Variants in SUCLG2 observed in about 807,000 individuals in gnomAD.
The protein encoded by SUCLG2 is succinate--CoA ligase [GDP-forming] subunit beta, mitochondrial.
Under a neutral mutation model 47.9 loss-of-function variants are expected in SUCLG2, and 42 were observed. That is an observed-to-expected ratio of 0.88 (90% CI 0.69 to 1.14). SUCLG2 has a LOEUF of 1.14. Among genes scored for constraint, SUCLG2 ranks in the 50% most tolerant of loss-of-function variants. The pLI is 0.00. For missense variants in SUCLG2, 571 were observed against 525.9 expected (o/e 1.09, Z -0.84); for synonymous variants, 195 against 197.3 (o/e 0.99, Z 0.10).
chr3:67,389,143 A>G (rs1702322582), intron 10 of SUCLG2, among the ~76,000 whole-genome samples: 1 of 152,134 alleles, frequency 6.6e-6, no homozygotes, highest in South Asian at 2.1e-4. Context: ...CAGAATTGCC[A>G]CAGATATAAA....
chr3:67,518,480 A>G (rs922047951), intron 5 of SUCLG2, 144 bp from the exon 6 acceptor site: 3 of 666,598 alleles, frequency 4.5e-6, no homozygotes, highest in Non-Finnish European at 7.2e-6. Context: ...GGGCTACCGC[A>G]GATGCCTGTA....
At chr3:67,367,755 GC>G (rs1701895209) in intron 10 of SUCLG2, among the ~76,000 whole-genome samples, 1 of 152,090 alleles carries the variant, frequency 6.6e-6, no homozygotes, top group South Asian at 2.1e-4. Flanking sequence ...TTAGTTGAGA[GC>G]CACTAATTTA....
intron 9 of SUCLG2, among the ~76,000 whole-genome samples, chr3:67,478,875 T>G (rs1229813187): frequency 6.6e-6 from 1 of 152,220 alleles, no homozygotes; most frequent in Non-Finnish European, 1.5e-5. Context: ...TATGGGTCAC[T>G]TAAAGAATTT....
chr3:67,468,408 C>T (rs1704526378), intron 9 of SUCLG2, among the ~76,000 whole-genome samples: 1 of 152,154 alleles, frequency 6.6e-6, no homozygotes, highest in African/African-American at 2.4e-5. Context: ...CCATCCAGCT[C>T]CTTGAACCTG....
chr3:67,564,564 T>G (rs544925431), intron 2 of SUCLG2, among the ~76,000 whole-genome samples: 1 of 152,388 alleles, frequency 6.6e-6, no homozygotes, highest in Non-Finnish European at 1.5e-5. Context: ...CTTAATCATC[T>G]GTGTTTCAGA....
At chr3:67,460,754 A>C (rs1704310987) in intron 9 of SUCLG2, among the ~76,000 whole-genome samples, 2 of 152,198 alleles carry the variant, frequency 1.3e-5, no homozygotes, top group Non-Finnish European at 1.5e-5. Context: ...TCTATACTTT[A>C]ATACTGATTT....
intron 2 of SUCLG2, among the ~76,000 whole-genome samples, chr3:67,554,307 T>C (rs761370357): frequency 6.6e-6 from 1 of 152,242 alleles, no homozygotes; most frequent in African/African-American, 2.4e-5. Flanking sequence ...TACTTAACCA[T>C]GTGAATGTTG....
intron 9 of SUCLG2, among the ~76,000 whole-genome samples, chr3:67,450,576 T>C (rs1339482796): frequency 6.6e-6 from 1 of 152,234 alleles, no homozygotes; most frequent in Non-Finnish European, 1.5e-5. Flanking sequence ...TATATGCCCA[T>C]CATCTAGATA....
chr3:67,630,001 T>C (rs1396306663), intron 1 of SUCLG2, among the ~76,000 whole-genome samples: 1 of 152,002 alleles, frequency 6.6e-6, no homozygotes, highest in Non-Finnish European at 1.5e-5. Context: ...ACACAAAAGA[T>C]AAATTATGTG....
In SUCLG2 at chr3:67,438,456, G is replaced by GTT. The variant is rs901690849; in HGVS notation, c.1063-37607_1063-37606dup. On this transcript the variant is annotated intron_variant, in intron 9 of 10. Transcript: ENST00000307227. Reference sequence around the variant, plus strand: ...AAAAAAATCAATGAATCCAAGAGCTGTTTTTTTTTAAAGATTAACAAAATA... The same window carrying GTT: ...AAAAAAATCAATGAATCCAAGAGCTGTTTTTTTTTTTAAAGATTAACAAAATA... Among the ~76,000 whole-genome samples the GTT allele has an allele frequency of 3.6e-4, 55 of 151,032 alleles. 1 individual carries two copies. Among genetic ancestry groups the GTT allele is most frequent in the African/African-American group, 1.3e-3 (54 of 41,184 alleles).
chr3:67,385,601 C>T (rs1384912297), intron 10 of SUCLG2, among the ~76,000 whole-genome samples: 1 of 152,186 alleles, frequency 6.6e-6, no homozygotes, highest in Non-Finnish European at 1.5e-5. Flanking sequence ...ATCCTCTGCT[C>T]CTTGGGTTCC....
intron 9 of SUCLG2, among the ~76,000 whole-genome samples, chr3:67,438,983 C>T (rs1273261677): frequency 6.6e-6 from 1 of 152,120 alleles, no homozygotes; most frequent in Admixed American, 6.5e-5. Flanking sequence ...ATCCAAATAT[C>T]CTCAATAAAA....
chr3:67,476,059 CAATTT>C (rs1342369932), intron 9 of SUCLG2, among the ~76,000 whole-genome samples: 1 of 151,588 alleles, frequency 6.6e-6, no homozygotes, highest in African/African-American at 2.4e-5. Flanking sequence ...CAATGGGATT[CAATTT>C]ATGTGTAACT....
chr3:67,419,491 T>C (rs1427574330), intron 9 of SUCLG2, among the ~76,000 whole-genome samples: 1 of 152,192 alleles, frequency 6.6e-6, no homozygotes, highest in Non-Finnish European at 1.5e-5. Flanking sequence ...TATGGTCCTT[T>C]ATCTGGGAAG....
At chr3:67,460,145 C>T (rs557348235) in intron 9 of SUCLG2, among the ~76,000 whole-genome samples, 3 of 152,214 alleles carry the variant, frequency 2.0e-5, no homozygotes, top group East Asian at 1.9e-4. Flanking sequence ...CTCAGTAGGC[C>T]CTGCCTTATA....
rs147140771 is a variant in SUCLG2, at chr3:67,390,559, G to A, written c.1183+10172C>T. Among the ~76,000 whole-genome samples the A allele has an allele frequency of 1.1e-3, 167 of 152,170 alleles. 2 individuals carry two copies. Among genetic ancestry groups the A allele is most frequent in the Middle Eastern group, 6.8e-3 (2 of 294 alleles). ...GATTATTTTTGTTCAAAAGACTCTT[G>A]CGTGAAATGAACAGCTACATATTTG... On this transcript the variant is annotated intron_variant, in intron 10 of 10. Transcript: ENST00000307227.
chr3:67,549,134 C>A (rs984838423), intron 2 of SUCLG2, among the ~76,000 whole-genome samples: 1 of 152,168 alleles, frequency 6.6e-6, no homozygotes, highest in African/African-American at 2.4e-5. Context: ...AGTTTCCTTG[C>A]ACCACGCTTG....
At position 67,567,209 on chromosome 3, in the gene SUCLG2, GA is replaced by G. The variant is rs780416727; in HGVS notation, c.227-38024del. Among the ~76,000 whole-genome samples, 6 of 151,600 alleles carry G rather than the reference GA, an allele frequency of 4.0e-5. No homozygotes were observed. In the South Asian group the frequency reaches 1.2e-3, roughly 32 times the overall value. On this transcript the variant is annotated intron_variant, in intron 2 of 10. Transcript: ENST00000307227. ...AAAGAAAAAAAAAAGGTGGGAGGAGGAAAAATATCAATGGAAACTTAAAAAT... is the reference window on the plus strand; with the variant it reads ...AAAGAAAAAAAAAAGGTGGGAGGAGGAAAATATCAATGGAAACTTAAAAAT...
intron 9 of SUCLG2, among the ~76,000 whole-genome samples, chr3:67,412,641 C>T (rs4856782): frequency 0.46 from 69,734 of 151,834 alleles, 16,683 homozygotes; most frequent in Non-Finnish European, 0.54. Context: ...GTTTCCTCCA[C>T]AGAAGGTATC....
Sources: allele counts gnomAD v4.1 joint callset (sites outside exome capture counted in the v4.1 genomes callset), GRCh38; gene constraint gnomAD v4.1.1; transcripts MANE v1.5; gene names NCBI Gene and HGNC (gene_info 2026-07-23, HGNC 2026-07-21).